ATXN8OS: variants seen among roughly 807,000 people sequenced by gnomAD.
The protein encoded by ATXN8OS is ATXN8 opposite strand lncRNA.
intron 4 of ATXN8OS, among the ~76,000 whole-genome samples, chr13:70,156,809 T>A (rs184359968): frequency 2.4e-3 from 371 of 152,244 alleles, no homozygotes; most frequent in African/African-American, 7.0e-3. Context: ...CAACTTTTTT[T>A]AATTTGATTT....
intron 4 of ATXN8OS, among the ~76,000 whole-genome samples, chr13:70,154,735 TGAAATGAGTTTATAG>T (rs1289971202): frequency 6.6e-6 from 1 of 152,222 alleles, no homozygotes; most frequent in Non-Finnish European, 1.5e-5. Flanking sequence ...CTTTGTTTTA[TGAAATGAGTTTATAG>T]ATTCCTGTTC....
chr13:70,140,414 T>C (rs1186361387), intron 3 of ATXN8OS, among the ~76,000 whole-genome samples: 1 of 151,994 alleles, frequency 6.6e-6, no homozygotes, highest in African/African-American at 2.4e-5. Context: ...TTTCATTCTG[T>C]ATATGCACTG....
intron 2 of ATXN8OS, among the ~76,000 whole-genome samples, chr13:70,119,583 GAAT>G (rs1220835048): frequency 1.3e-5 from 2 of 151,900 alleles, no homozygotes; most frequent in South Asian, 2.1e-4. Context: ...AAATTACAGT[GAAT>G]AATAAAAATC....
At chr13:70,154,990 C>A (rs1289119921) in intron 4 of ATXN8OS, among the ~76,000 whole-genome samples, 2 of 152,304 alleles carry the variant, frequency 1.3e-5, no homozygotes, top group East Asian at 3.9e-4. Context: ...CCACTGTAAG[C>A]TTGCTTCAAG....
chr13:70,133,905 A>G (rs532521718), intron 3 of ATXN8OS, among the ~76,000 whole-genome samples: 1 of 152,328 alleles, frequency 6.6e-6, no homozygotes, highest in Admixed American at 6.5e-5. Flanking sequence ...CAGTCCTCTA[A>G]GATGAGAACA....
chr13:70,135,466 GA>G (rs1370635913), intron 3 of ATXN8OS, among the ~76,000 whole-genome samples: 1 of 149,880 alleles, frequency 6.7e-6, no homozygotes, highest in Non-Finnish European at 1.5e-5. Flanking sequence ...TCCCTTTTTT[GA>G]TAAACTGTCT....
At chr13:70,144,788 C>T (rs1242787643) in intron 3 of ATXN8OS, among the ~76,000 whole-genome samples, 1 of 152,096 alleles carries the variant, frequency 6.6e-6, no homozygotes, top group Non-Finnish European at 1.5e-5. Context: ...CTAAGTGACC[C>T]ACTCCTATGT....
intron 2 of ATXN8OS, among the ~76,000 whole-genome samples, chr13:70,127,789 A>T (rs1382732017): frequency 6.6e-6 from 1 of 152,038 alleles, no homozygotes; most frequent in African/African-American, 2.4e-5. Flanking sequence ...AAAATTAAGC[A>T]GTGCATTTCA....
At chr13:70,148,633 CTAA>C (rs765309313) in intron 4 of ATXN8OS, among the ~76,000 whole-genome samples, 13 of 152,088 alleles carry the variant, frequency 8.5e-5, no homozygotes, top group East Asian at 1.9e-4. Context: ...TCCTTTTTCT[CTAA>C]TAATATTTTT....
intron 4 of ATXN8OS, among the ~76,000 whole-genome samples, chr13:70,167,187 A>T (rs1055823735): frequency 6.6e-5 from 10 of 152,260 alleles, no homozygotes; most frequent in African/African-American, 2.4e-4. Flanking sequence ...AAGGATTATA[A>T]ATCATGCTGC....
exon 5 of ATXN8OS, among the ~76,000 whole-genome samples, chr13:70,170,699 T>G (rs2137510430): frequency 6.6e-6 from 1 of 152,304 alleles, no homozygotes; most frequent in African/African-American, 2.4e-5. Flanking sequence ...CTTTTAAATT[T>G]ATTTACATAT....
intron 1 of ATXN8OS, chr13:70,108,634 T>C (rs2137464990): frequency 6.6e-6 from 1 of 152,346 alleles, no homozygotes; most frequent in Non-Finnish European, 1.5e-5. Flanking sequence ...TTCACCCTCC[T>C]TCCTCGCTAC....
intron 4 of ATXN8OS, among the ~76,000 whole-genome samples, chr13:70,166,654 C>A (rs140093785): frequency 6.6e-6 from 1 of 152,122 alleles, no homozygotes; most frequent in South Asian, 2.1e-4. Flanking sequence ...GCAACAAAAG[C>A]CAAAATTGAC....
intron 4 of ATXN8OS, among the ~76,000 whole-genome samples, chr13:70,155,185 T>C (rs1441236334): frequency 6.6e-6 from 1 of 152,176 alleles, no homozygotes; most frequent in Non-Finnish European, 1.5e-5. Context: ...ATCGTGCAAT[T>C]GATGGGTCTT....
At chr13:70,144,793 C>T (rs1253134733) in intron 3 of ATXN8OS, among the ~76,000 whole-genome samples, 1 of 152,076 alleles carries the variant, frequency 6.6e-6, no homozygotes, top group Admixed American at 6.6e-5. Context: ...TGACCCACTC[C>T]TATGTTTTCT....
chr13:70,147,087 T>C (rs1401479498), intron 3 of ATXN8OS, among the ~76,000 whole-genome samples: 1 of 152,138 alleles, frequency 6.6e-6, no homozygotes, highest in Non-Finnish European at 1.5e-5. Context: ...TCTGAAAAGC[T>C]ACAAGTGGAT....
intron 1 of ATXN8OS, chr13:70,115,137 A>G (rs1358334428): frequency 5.0e-6 from 2 of 398,180 alleles, no homozygotes; most frequent in East Asian, 3.6e-5. Flanking sequence ...TTATTCTCTC[A>G]TAGTTCTGGA....
At chr13:70,143,022 G>C (rs1024606803) in intron 3 of ATXN8OS, among the ~76,000 whole-genome samples, 1 of 150,944 alleles carries the variant, frequency 6.6e-6, no homozygotes, top group Non-Finnish European at 1.5e-5. Flanking sequence ...GCCGTGAGCC[G>C]AGATCGCGCC....
intron 4 of ATXN8OS, among the ~76,000 whole-genome samples, chr13:70,169,453 C>T (rs866707273): frequency 6.6e-6 from 1 of 151,936 alleles, no homozygotes; most frequent in Admixed American, 6.6e-5. Context: ...CCTGCCACCG[C>T]CCCCAGTAAT....
Sources: gnomAD v4.1 joint callset for allele counts (sites outside exome capture counted in the v4.1 genomes callset) on GRCh38, gnomAD v4.1.1 for gene constraint, MANE v1.5 for transcripts, NCBI Gene and HGNC (gene_info 2026-07-23, HGNC 2026-07-21) for gene names.